Variants in MTX2 observed in about 807,000 individuals in gnomAD.
The protein encoded by MTX2 is metaxin 2, also known as metaxin-2.
A neutral mutation model predicts 42.3 loss-of-function variants in MTX2; 35 were observed. The ratio of observed to expected loss-of-function variants is 0.83; its 90% confidence interval spans 0.63 to 1.10. The LOEUF (loss-of-function observed/expected upper bound fraction) is 1.10, where lower values mean the gene tolerates loss of function less well. MTX2 is among the 50% of genes least tolerant of loss of function. MTX2 has a pLI of 0.00. For missense variants in MTX2, 307 were observed against 304.1 expected, an observed-to-expected ratio of 1.01 and a Z score of -0.07; for synonymous variants, 119 against 100.9, an observed-to-expected ratio of 1.18 and a Z score of -1.08.
At chr2:176,317,250 T>C (rs1684470580) in intron 3 of MTX2, among the ~76,000 whole-genome samples, 1 of 152,088 alleles carries the variant, frequency 6.6e-6, no homozygotes. Context: ...TCCCTCTCTC[T>C]ACACCCTGAT....
intron 3 of MTX2, among the ~76,000 whole-genome samples, chr2:176,316,768 A>G (rs1261919443): frequency 1.3e-5 from 2 of 152,158 alleles, no homozygotes; most frequent in African/African-American, 4.8e-5. Flanking sequence ...TGTTTTAACC[A>G]GTCTTTTATT....
intron 1 of MTX2, among the ~76,000 whole-genome samples, chr2:176,296,610 G>T (rs1683891126): frequency 6.6e-6 from 1 of 151,890 alleles, no homozygotes; most frequent in African/African-American, 2.4e-5. Context: ...ATTGGGCAAG[G>T]TATCTTCCCC....
chr2:176,287,915 C>A (rs1439097785), intron 1 of MTX2, among the ~76,000 whole-genome samples: 1 of 146,756 alleles, frequency 6.8e-6, no homozygotes, highest in African/African-American at 2.5e-5. Flanking sequence ...TTTTTTTTAA[C>A]GTTTATGGAA....
intron 9 of MTX2, among the ~76,000 whole-genome samples, chr2:176,336,721 A>C (rs1246013101): frequency 1.3e-5 from 2 of 152,202 alleles, no homozygotes; most frequent in African/African-American, 4.8e-5. Flanking sequence ...AAAGAAAGCA[A>C]GTCACACAAC....
intron 1 of MTX2, among the ~76,000 whole-genome samples, chr2:176,292,487 G>GGA (rs1025316743): frequency 2.6e-5 from 4 of 152,048 alleles, no homozygotes; most frequent in African/African-American, 7.2e-5. Context: ...TTTGACCTTG[G>GGA]GAAAGAGAAG....
chr2:176,296,960 G>T, intron 2 of MTX2, 53 bp downstream of exon 2: 1 of 1,506,992 alleles, frequency 6.6e-7, no homozygotes, highest in South Asian at 1.1e-5. Context: ...TATTTATTAC[G>T]GAAAAATCCT....
intron 1 of MTX2, among the ~76,000 whole-genome samples, chr2:176,288,969 A>T (rs928536146): frequency 2.6e-5 from 4 of 152,038 alleles, no homozygotes; most frequent in African/African-American, 9.7e-5. Context: ...GAATGGAATA[A>T]ATAGATACAT....
At chr2:176,282,387 C>G (rs145905734) in intron 1 of MTX2, among the ~76,000 whole-genome samples, 1 of 151,880 alleles carries the variant, frequency 6.6e-6, no homozygotes, top group African/African-American at 2.4e-5. Flanking sequence ...GTTTAGTAAG[C>G]CTTTGCTGAA....
chr2:176,270,811 C>G (rs945313266), intron 1 of MTX2, among the ~76,000 whole-genome samples: 2 of 151,908 alleles, frequency 1.3e-5, no homozygotes, highest in Non-Finnish European at 2.9e-5. Context: ...TTTTGTTCCC[C>G]ATTGTATCCA....
intron 1 of MTX2, among the ~76,000 whole-genome samples, chr2:176,283,993 A>G (rs999375): frequency 0.32 from 49,243 of 151,988 alleles, 9,603 homozygotes; most frequent in African/African-American, 0.54. Context: ...TTACCATTTT[A>G]AAAATGAAAA....
At chr2:176,312,337 AAGT>A (rs1684335668) in intron 3 of MTX2, among the ~76,000 whole-genome samples, 1 of 152,176 alleles carries the variant, frequency 6.6e-6, no homozygotes, top group Non-Finnish European at 1.5e-5. Context: ...CCAAGGACTA[AAGT>A]AGTAAACAAG....
At chr2:176,320,605 C>G (rs1684560482) in intron 3 of MTX2, among the ~76,000 whole-genome samples, 1 of 152,066 alleles carries the variant, frequency 6.6e-6, no homozygotes, top group African/African-American at 2.4e-5. Flanking sequence ...GATTCCCCAC[C>G]ACCTCTTGCA....
chr2:176,269,758 G>A (rs1575026389), intron 1 of MTX2, 89 bp downstream of exon 1: 7 of 1,447,732 alleles, frequency 4.8e-6, no homozygotes, highest in Non-Finnish European at 6.4e-6. Flanking sequence ...CTCCAGCCTT[G>A]CGGCATTATA....
At chr2:176,269,813 C>G (rs1260444261) in intron 1 of MTX2, 144 bp downstream of exon 1, 1 of 1,008,240 alleles carries the variant, frequency 9.9e-7, no homozygotes, top group East Asian at 3.0e-5. Context: ...GGACTACCAA[C>G]CTTATCTCAC....
At chr2:176,333,291 A>G (rs895890670) in intron 9 of MTX2, among the ~76,000 whole-genome samples, 2 of 151,554 alleles carry the variant, frequency 1.3e-5, no homozygotes, top group Non-Finnish European at 3.0e-5. Flanking sequence ...TCTTCACGTG[A>G]TATAGCAAGA....
intron 3 of MTX2, among the ~76,000 whole-genome samples, chr2:176,307,752 G>T (rs1012096134): frequency 4.6e-5 from 7 of 152,160 alleles, no homozygotes; most frequent in Admixed American, 6.5e-5. Flanking sequence ...CATTGATTTT[G>T]TACCCTGACA....
At chr2:176,291,343 CAAT>C (rs749845441) in intron 1 of MTX2, among the ~76,000 whole-genome samples, 6 of 152,086 alleles carry the variant, frequency 3.9e-5, no homozygotes, top group African/African-American at 7.2e-5. Flanking sequence ...GTAATAACAA[CAAT>C]GATGATAGTG....
At chr2:176,294,208 A>G (rs1031930629) in intron 1 of MTX2, among the ~76,000 whole-genome samples, 5 of 151,498 alleles carry the variant, frequency 3.3e-5, no homozygotes, top group Non-Finnish European at 5.9e-5. Flanking sequence ...TATGTTGCAA[A>G]CTTTCTATTA....
At chr2:176,272,490 A>G (rs1692841391) in intron 1 of MTX2, among the ~76,000 whole-genome samples, 1 of 152,102 alleles carries the variant, frequency 6.6e-6, no homozygotes, top group Non-Finnish European at 1.5e-5. Context: ...CTATTCTTTG[A>G]TTTATTTAGT....
Sources: allele counts gnomAD v4.1 joint callset (sites outside exome capture counted in the v4.1 genomes callset), GRCh38; gene constraint gnomAD v4.1.1; transcripts MANE v1.5; gene names NCBI Gene and HGNC (gene_info 2026-07-23, HGNC 2026-07-21).